SLC10A7: variants seen among roughly 807,000 people sequenced by gnomAD.
SLC10A7 encodes the protein solute carrier family 10 member 7.
A neutral mutation model predicts 43.2 loss-of-function variants in SLC10A7; 29 were observed. The observed-to-expected ratio is 0.67, with a 90% CI of 0.50 to 0.92. SLC10A7 has a LOEUF of 0.92. Among genes scored for constraint, SLC10A7 ranks in the 40% least tolerant of loss-of-function variants. The probability of loss-of-function intolerance (pLI) is 0.00; values close to 1 mark genes in which losing one functional copy is unlikely to be tolerated. For missense variants in SLC10A7, 295 were observed against 403.2 expected (o/e 0.73, Z 2.30); for synonymous variants, 152 against 144.8 (o/e 1.05, Z -0.35).
intron 4 of SLC10A7, among the ~76,000 whole-genome samples, chr4:146,497,858 A>T (rs1313708921): frequency 6.6e-6 from 1 of 152,122 alleles, no homozygotes; most frequent in Non-Finnish European, 1.5e-5. Flanking sequence ...CTTGAATTCA[A>T]ATACAAGGAT....
intron 5 of SLC10A7, among the ~76,000 whole-genome samples, chr4:146,416,157 A>G (rs1728548501): frequency 6.6e-6 from 1 of 152,218 alleles, no homozygotes; most frequent in Non-Finnish European, 1.5e-5. Context: ...GCCAGAAATT[A>G]AAGCAAAAAC....
intron 6 of SLC10A7, among the ~76,000 whole-genome samples, chr4:146,308,182 C>T (rs1731719496): frequency 1.3e-5 from 2 of 152,258 alleles, no homozygotes; most frequent in East Asian, 3.9e-4. Context: ...ATGTAATTAA[C>T]TGGGTACATG....
chr4:146,476,789 T>G (rs560216525), intron 4 of SLC10A7, among the ~76,000 whole-genome samples: 1 of 152,278 alleles, frequency 6.6e-6, no homozygotes, highest in African/African-American at 2.4e-5. Context: ...CATCACTGAC[T>G]CAACTTACAT....
intron 5 of SLC10A7, among the ~76,000 whole-genome samples, chr4:146,388,371 T>C (rs1236313823): frequency 2.0e-5 from 3 of 152,004 alleles, no homozygotes; most frequent in African/African-American, 4.8e-5. Context: ...GAGAACCATA[T>C]ACAGAAAATG....
intron 5 of SLC10A7, among the ~76,000 whole-genome samples, chr4:146,394,753 A>C (rs527789940): frequency 8.6e-4 from 131 of 152,286 alleles, no homozygotes; most frequent in African/African-American, 3.1e-3. Context: ...GAACCACATA[A>C]ACAAATGAAA....
chr4:146,283,402 T>C (rs1729675294), intron 9 of SLC10A7, 137 bp from the exon 10 acceptor site: 1 of 655,416 alleles, frequency 1.5e-6, no homozygotes, highest in South Asian at 1.9e-5. Context: ...TACACCCAAA[T>C]GTACAGAAGT....
At chr4:146,287,563 G>A (rs1158591543) in intron 9 of SLC10A7, among the ~76,000 whole-genome samples, 3 of 152,038 alleles carry the variant, frequency 2.0e-5, no homozygotes, top group African/African-American at 7.3e-5. Context: ...CCAAGGCCTG[G>A]GAATCAAATA....
chr4:146,298,541 G>A (rs1466106621), intron 7 of SLC10A7, among the ~76,000 whole-genome samples: 1 of 152,102 alleles, frequency 6.6e-6, no homozygotes, highest in East Asian at 1.9e-4. Flanking sequence ...AATTTATAGG[G>A]TAAAAAGTAG....
intron 4 of SLC10A7, among the ~76,000 whole-genome samples, chr4:146,465,780 G>T (rs1732972218): frequency 6.6e-6 from 1 of 152,158 alleles, no homozygotes; most frequent in Non-Finnish European, 1.5e-5. Flanking sequence ...ATTCTCTGCA[G>T]TTCTTAAAGA....
intron 4 of SLC10A7, among the ~76,000 whole-genome samples, chr4:146,448,497 C>T (rs773643920): frequency 3.9e-5 from 6 of 152,118 alleles, no homozygotes; most frequent in Non-Finnish European, 7.3e-5. Flanking sequence ...TCTCTTATGA[C>T]ATTATATCAA....
chr4:146,299,740 T>C (rs1731031690), intron 7 of SLC10A7, among the ~76,000 whole-genome samples: 1 of 152,024 alleles, frequency 6.6e-6, no homozygotes, highest in African/African-American at 2.4e-5. Flanking sequence ...AGAAACACTA[T>C]AAGGAAGTAG....
At chr4:146,470,159 A>G (rs1733431757) in intron 4 of SLC10A7, among the ~76,000 whole-genome samples, 1 of 152,042 alleles carries the variant, frequency 6.6e-6, no homozygotes, top group Non-Finnish European at 1.5e-5. Context: ...AAAAGTTATA[A>G]TTCTTTGACT....
intron 4 of SLC10A7, among the ~76,000 whole-genome samples, chr4:146,458,386 C>T (rs1732264339): frequency 6.6e-6 from 1 of 151,522 alleles, no homozygotes. Context: ...CTGAGTGTTC[C>T]TAAAATCAGG....
At chr4:146,297,505 T>A (rs1730864908) in intron 7 of SLC10A7, among the ~76,000 whole-genome samples, 1 of 152,150 alleles carries the variant, frequency 6.6e-6, no homozygotes, top group African/African-American at 2.4e-5. Context: ...TTTAAAGTAT[T>A]TCCTTGCTTT....
intron 10 of SLC10A7, among the ~76,000 whole-genome samples, chr4:146,267,136 G>A (rs752869503): frequency 2.0e-5 from 3 of 152,052 alleles, no homozygotes; most frequent in African/African-American, 4.8e-5. Context: ...CAGCACTGTC[G>A]TATGAAAAAA....
chr4:146,367,405 A>G (rs1736473597), intron 5 of SLC10A7, among the ~76,000 whole-genome samples: 2 of 152,142 alleles, frequency 1.3e-5, no homozygotes. Flanking sequence ...TAGTGCAACT[A>G]AGGAATGAAA....
intron 5 of SLC10A7, among the ~76,000 whole-genome samples, chr4:146,436,583 G>T (rs999626298): frequency 1.3e-5 from 2 of 151,856 alleles, no homozygotes. Flanking sequence ...ATTGAGAAGC[G>T]ACCTCAGAGA....
chr4:146,445,418 G>A (rs1730965017), intron 4 of SLC10A7, among the ~76,000 whole-genome samples: 1 of 152,168 alleles, frequency 6.6e-6, no homozygotes. Flanking sequence ...CCTCTCTGGC[G>A]GGAGCAGGGT....
intron 4 of SLC10A7, among the ~76,000 whole-genome samples, chr4:146,484,756 T>G (rs1184694523): frequency 6.6e-6 from 1 of 152,188 alleles, no homozygotes; most frequent in Non-Finnish European, 1.5e-5. Context: ...GGTATCAGAT[T>G]AGCATAAATC....
Sources: gnomAD v4.1 joint callset for allele counts (sites outside exome capture counted in the v4.1 genomes callset) on GRCh38, gnomAD v4.1.1 for gene constraint, MANE v1.5 for transcripts, NCBI Gene and HGNC (gene_info 2026-07-23, HGNC 2026-07-21) for gene names.